The following MYO10 variants were observed in gnomAD, a reference collection of about 807,000 sequenced individuals.
The protein encoded by MYO10 is unconventional myosin-X.
Under a neutral mutation model 257.3 loss-of-function variants are expected in MYO10, and 133 were observed. That is an observed-to-expected ratio of 0.52 (90% confidence interval 0.45 to 0.60). The LOEUF (loss-of-function observed/expected upper bound fraction) is 0.60, where lower values mean the gene tolerates loss of function less well. Ranked by LOEUF, MYO10 falls within the 20% of genes least tolerant of loss-of-function variation. The pLI, the probability that MYO10 is intolerant of heterozygous loss-of-function variation, is 0.00. For synonymous variants in MYO10, 1,104 were observed against 1,028.6 expected (o/e 1.07, Z -1.40); for missense variants, 2,399 against 2,635.7 (o/e 0.91, Z 1.97).
intron 19 of MYO10, among the ~76,000 whole-genome samples, chr5:16,739,191 C>CCA (rs1739923909): frequency 2.1e-5 from 2 of 96,548 alleles, no homozygotes; most frequent in South Asian, 3.3e-4. Context: ...AATCATGTCC[C>CCA]AAAAAAAAAA....
intron 9 of MYO10, among the ~76,000 whole-genome samples, chr5:16,773,870 G>A (rs987995653): frequency 6.6e-6 from 1 of 152,118 alleles, no homozygotes; most frequent in Admixed American, 6.6e-5. Flanking sequence ...CTAACTCTAA[G>A]TGATTGGGCA....
intron 2 of MYO10, among the ~76,000 whole-genome samples, chr5:16,848,264 T>C (rs1743700157): frequency 6.7e-6 from 1 of 149,590 alleles, no homozygotes. Context: ...GTTCAAGCAA[T>C]TCTCCTGCCT....
chr5:16,718,073 G>A (rs1738958473), intron 19 of MYO10, among the ~76,000 whole-genome samples: 1 of 152,240 alleles, frequency 6.6e-6, no homozygotes, highest in Admixed American at 6.5e-5. Flanking sequence ...CTGGCCCCGG[G>A]CAATGGGGGA....
chr5:16,823,629 G>A (rs867588761), intron 2 of MYO10, among the ~76,000 whole-genome samples: 73 of 150,366 alleles, frequency 4.9e-4, no homozygotes, highest in African/African-American at 1.7e-3. Context: ...CCGCCACCAC[G>A]CCCAGCTCAT....
chr5:16,906,450 A>C (rs1280872533), intron 1 of MYO10, among the ~76,000 whole-genome samples: 5 of 152,180 alleles, frequency 3.3e-5, no homozygotes, highest in Non-Finnish European at 7.4e-5. Flanking sequence ...AAATAGCTCT[A>C]AATATTGCCA....
chr5:16,790,918 C>T (rs867826291), intron 4 of MYO10, among the ~76,000 whole-genome samples: 1,540 of 146,402 alleles, frequency 0.011, 28 homozygotes, highest in African/African-American at 0.037. Flanking sequence ...TATATACACA[C>T]ACACACACAC....
chr5:16,836,291 T>C (rs535382790), intron 2 of MYO10, among the ~76,000 whole-genome samples: 1 of 152,348 alleles, frequency 6.6e-6, no homozygotes, highest in South Asian at 2.1e-4. Flanking sequence ...ACTCTTTCAG[T>C]AGATAACAAA....
At chr5:16,832,721 T>C (rs1364604967) in intron 2 of MYO10, among the ~76,000 whole-genome samples, 1 of 152,202 alleles carries the variant, frequency 6.6e-6, no homozygotes, top group African/African-American at 2.4e-5. Flanking sequence ...GGCTATCACA[T>C]GAACTTAAAC....
At chr5:16,760,766 G>A (rs1341720418) in intron 17 of MYO10, among the ~76,000 whole-genome samples, 3 of 152,010 alleles carry the variant, frequency 2.0e-5, no homozygotes, top group Non-Finnish European at 2.9e-5. Flanking sequence ...AGGTTCTCAA[G>A]CCAACCAGAC....
chr5:16,755,877 T>C (rs1740515593), intron 18 of MYO10, among the ~76,000 whole-genome samples: 1 of 152,036 alleles, frequency 6.6e-6, no homozygotes, highest in South Asian at 2.1e-4. Context: ...ATCCCAGACA[T>C]GATGTGATTT....
intron 2 of MYO10, among the ~76,000 whole-genome samples, chr5:16,831,487 T>C (rs253328): frequency 0.11 from 16,380 of 150,062 alleles, 2,905 homozygotes; most frequent in African/African-American, 0.37. Context: ...CGTTAATCAA[T>C]GAGTGGATAA....
At chr5:16,683,477 T>C (rs568572037) in intron 30 of MYO10, among the ~76,000 whole-genome samples, 5 of 152,284 alleles carry the variant, frequency 3.3e-5, no homozygotes, top group Non-Finnish European at 7.4e-5. Context: ...ACATATACAT[T>C]ATCATCAAAA....
chr5:16,818,224 A>C (rs555764090), intron 2 of MYO10, 57 bp from the exon 3 acceptor site: 11 of 1,358,864 alleles, frequency 8.1e-6, no homozygotes, highest in African/African-American at 1.5e-5. Flanking sequence ...GATTTTTCAC[A>C]CAAGTTTCCC....
chr5:16,796,511 A>G (rs531538690), intron 3 of MYO10, among the ~76,000 whole-genome samples: 1 of 150,584 alleles, frequency 6.6e-6, no homozygotes, highest in Admixed American at 6.6e-5. Flanking sequence ...AAATAAATAA[A>G]TAAATAGAGG....
At chr5:16,705,924 G>A (rs1738309303) in intron 21 of MYO10, among the ~76,000 whole-genome samples, 1 of 152,136 alleles carries the variant, frequency 6.6e-6, no homozygotes, top group African/African-American at 2.4e-5. Flanking sequence ...GCTCATGCCA[G>A]TAATCCCAGC....
In MYO10 at chr5:16,662,314, CTATTT is replaced by C. The variant is rs1209167964; in HGVS notation, c.*4373_*4377del. The C allele has an allele frequency of 1.0e-4, 4 of 39,670 alleles. No individual in the cohort carries two copies. The highest frequency in any genetic ancestry group is 1.4e-4 in the Non-Finnish European group (3 of 20,982). 2.5% of individuals were successfully genotyped at this position (39,670 alleles called of 1,614,324 possible). On this transcript the variant is annotated 3_prime_UTR_variant, in exon 41 of 41. Coordinates refer to ENST00000513610, the MANE Select transcript of MYO10 (RefSeq NM_012334.3). ...AAAAGTGCTGTCTTAGATTTCTGAA[CTATTT>C]TTTTTTTTTTTTTTTTTTTTTGGAG...
chr5:16,704,540 G>T, intron 22 of MYO10, 39 bp downstream of exon 22: 1 of 1,550,484 alleles, frequency 6.4e-7, no homozygotes, highest in Non-Finnish European at 8.9e-7. Flanking sequence ...ACCCCCTCAT[G>T]GAGCTTCCTG....
At chr5:16,681,848 G>C (rs918751784) in intron 31 of MYO10, 23 bp downstream of exon 31, 9 of 1,611,458 alleles carry the variant, frequency 5.6e-6, no homozygotes, top group Non-Finnish European at 7.6e-6. Context: ...TAAGCAGACC[G>C]AGGAAGCAGG....
chr5:16,673,675 T>G lies in MYO10; in HGVS notation c.5172+7A>C. On this transcript the variant is annotated splice_region_variant and intron_variant, in intron 36 of 40. Transcript: ENST00000513610. ...TAACAGAACAAGCAGCAGCTGCCTC[T>G]CCTCACCTCCCCAGCGGTGGTGTGG... 6.2e-7 allele frequency: 1 copy of G among 1,612,042 alleles called. No individual in the cohort carries two copies. Among genetic ancestry groups the G allele is most frequent in the Non-Finnish European group, 8.5e-7 (1 of 1,178,906 alleles).
Sources: allele counts gnomAD v4.1 joint callset (sites outside exome capture counted in the v4.1 genomes callset), GRCh38; gene constraint gnomAD v4.1.1; transcripts MANE v1.5; gene names NCBI Gene and HGNC (gene_info 2026-07-23, HGNC 2026-07-21).